The following MCC variants were observed in gnomAD, a reference collection of about 807,000 sequenced individuals.
MCC encodes the protein colorectal mutant cancer protein.
In MCC, 90 loss-of-function variants were observed where a neutral mutation model predicts 116.2. The observed-to-expected ratio is 0.77, with a 90% CI of 0.65 to 0.92. The LOEUF (loss-of-function observed/expected upper bound fraction) is 0.92. Among genes scored for constraint, MCC ranks in the 40% least tolerant of loss-of-function variants. The probability of loss-of-function intolerance (pLI) is 0.00; values close to 1 mark genes in which losing one functional copy is unlikely to be tolerated. For synonymous variants in MCC, 578 were observed against 510.5 expected (o/e 1.13, Z -1.78); for missense variants, 1,516 against 1,312.2 (o/e 1.16, Z -2.40).
intron 4 of MCC, among the ~76,000 whole-genome samples, chr5:113,144,083 T>C (rs912910877): frequency 8.5e-5 from 13 of 152,156 alleles, no homozygotes; most frequent in African/African-American, 3.1e-4. Flanking sequence ...TCTAGGAGTG[T>C]TATGGAATGA....
chr5:113,433,047 A>T (rs1770709555), intron 1 of MCC: 1 of 152,218 alleles, frequency 6.6e-6, no homozygotes, highest in Non-Finnish European at 1.5e-5. Context: ...ACTCCTGAGG[A>T]TCTAGGATAA....
At chr5:113,229,199 C>T (rs565447718) in intron 3 of MCC, among the ~76,000 whole-genome samples, 5 of 151,952 alleles carry the variant, frequency 3.3e-5, no homozygotes, top group African/African-American at 4.8e-5. Context: ...TCGGCAGAGA[C>T]GAAGAAGGGA....
intron 3 of MCC, among the ~76,000 whole-genome samples, chr5:113,331,066 T>C (rs1362568835): frequency 6.6e-6 from 1 of 152,252 alleles, no homozygotes; most frequent in East Asian, 1.9e-4. Flanking sequence ...GCCCGGAAGA[T>C]GCCAGCTGGC....
chr5:113,264,776 C>T (rs2150350133), intron 3 of MCC, among the ~76,000 whole-genome samples: 1 of 152,320 alleles, frequency 6.6e-6, no homozygotes, highest in African/African-American at 2.4e-5. Flanking sequence ...GGCATGGTGG[C>T]TCAGGCCTGT....
At chr5:113,407,757 G>A (rs73236450) in intron 1 of MCC, among the ~76,000 whole-genome samples, 2,060 of 152,134 alleles carry the variant, frequency 0.014, 53 homozygotes, top group African/African-American at 0.047. Flanking sequence ...TTTAAGCCCC[G>A]CATACATTAG....
chr5:113,132,389 T>TATATATATACACACATAC (rs1758490221), intron 5 of MCC, among the ~76,000 whole-genome samples: 1 of 80,550 alleles, frequency 1.2e-5, no homozygotes, highest in Non-Finnish European at 3.0e-5. Context: ...TATACATACA[T>TATATATATACACACATAC]ATATATATAC....
chr5:113,380,523 T>TTCAC (rs1769091799), intron 2 of MCC, among the ~76,000 whole-genome samples: 1 of 152,156 alleles, frequency 6.6e-6, no homozygotes, highest in Admixed American at 6.5e-5. Flanking sequence ...CATTCATTCA[T>TTCAC]TCAACAAACA....
chr5:113,112,306 G>A (rs977464040), intron 6 of MCC, among the ~76,000 whole-genome samples: 1 of 152,210 alleles, frequency 6.6e-6, no homozygotes, highest in African/African-American at 2.4e-5. Flanking sequence ...AATGTTGGAG[G>A]AGGGGCTTGT....
chr5:113,141,176 C>T (rs947341183), intron 5 of MCC, among the ~76,000 whole-genome samples: 2 of 152,216 alleles, frequency 1.3e-5, no homozygotes, highest in Non-Finnish European at 2.9e-5. Flanking sequence ...AGAACTCTTC[C>T]TGCCCTTGGA....
At chr5:113,238,133 T>C (rs1246916179) in intron 3 of MCC, among the ~76,000 whole-genome samples, 2 of 152,198 alleles carry the variant, frequency 1.3e-5, no homozygotes, top group Non-Finnish European at 2.9e-5. Context: ...GCAAAATGCA[T>C]GCAACCAGTC....
At chr5:113,214,836 T>C (rs990478408) in intron 3 of MCC, among the ~76,000 whole-genome samples, 1 of 152,228 alleles carries the variant, frequency 6.6e-6, no homozygotes, top group South Asian at 2.1e-4. Flanking sequence ...CAATGGCTCC[T>C]CATTGCCATC....
At chr5:113,375,850 A>G (rs1768967439) in intron 2 of MCC, among the ~76,000 whole-genome samples, 2 of 152,090 alleles carry the variant, frequency 1.3e-5, no homozygotes, top group African/African-American at 4.8e-5. Context: ...CCACAAGGCC[A>G]CCCTAGATTT....
intron 2 of MCC, among the ~76,000 whole-genome samples, chr5:113,381,496 C>A (rs1028094667): frequency 2.0e-5 from 3 of 152,044 alleles, no homozygotes. Flanking sequence ...TATTTAAAAC[C>A]ATACGACCAA....
At chr5:113,486,034 T>C (rs528338617) in intron 1 of MCC, among the ~76,000 whole-genome samples, 2 of 152,290 alleles carry the variant, frequency 1.3e-5, no homozygotes, top group African/African-American at 2.4e-5. Flanking sequence ...TTAATGCCCC[T>C]TACCTTCATT....
intron 13 of MCC, 87 bp from the exon 14 acceptor site, chr5:113,064,254 C>T (rs1753436161): frequency 2.4e-6 from 3 of 1,254,536 alleles, no homozygotes; most frequent in Admixed American, 4.3e-5. Flanking sequence ...AACTCTGTTA[C>T]TTAGGGCAGA....
intron 1 of MCC, among the ~76,000 whole-genome samples, chr5:113,408,805 T>G (rs1769903680): frequency 6.6e-6 from 1 of 152,292 alleles, no homozygotes; most frequent in Middle Eastern, 3.4e-3. Flanking sequence ...AAACTGCTCC[T>G]TAGGACTGAG....
At chr5:113,304,507 G>A (rs568206091) in intron 3 of MCC, among the ~76,000 whole-genome samples, 14 of 152,100 alleles carry the variant, frequency 9.2e-5, no homozygotes, top group Non-Finnish European at 1.8e-4. Context: ...CAACATCTCC[G>A]ACATTATCAG....
chr5:113,271,680 A>G (rs1174582279), intron 3 of MCC, among the ~76,000 whole-genome samples: 3 of 152,180 alleles, frequency 2.0e-5, no homozygotes, highest in Non-Finnish European at 4.4e-5. Context: ...AAGAGGTGGA[A>G]AGTTTTAAGA....
At chr5:113,256,182 T>C (rs914793351) in intron 3 of MCC, among the ~76,000 whole-genome samples, 1 of 151,720 alleles carries the variant, frequency 6.6e-6, no homozygotes, top group African/African-American at 2.4e-5. Flanking sequence ...CCTATCTCTT[T>C]AGTAGAGTGA....
Sources: allele counts gnomAD v4.1 joint callset (sites outside exome capture counted in the v4.1 genomes callset), GRCh38; gene constraint gnomAD v4.1.1; transcripts MANE v1.5; gene names NCBI Gene and HGNC (gene_info 2026-07-23, HGNC 2026-07-21).